The following WRAP53 variants were observed in gnomAD, a reference collection of about 807,000 sequenced individuals.
WRAP53 encodes the protein telomerase Cajal body protein 1.
Under a neutral mutation model 56.6 loss-of-function variants are expected in WRAP53, and 28 were observed. The ratio of observed to expected loss-of-function variants is 0.50; its 90% CI spans 0.37 to 0.68. The LOEUF (loss-of-function observed/expected upper bound fraction) is 0.68. Among genes scored for constraint, WRAP53 ranks in the 30% least tolerant of loss-of-function variants. The pLI is 0.00. For synonymous variants in WRAP53, 283 were observed against 283.4 expected, an observed-to-expected ratio of 1.00 and a Z score of 0.01; for missense variants, 671 against 715.5, an observed-to-expected ratio of 0.94 and a Z score of 0.71.
chr17:7,700,975 T>G, intron 5 of WRAP53, 146 bp downstream of exon 5: 2 of 638,288 alleles, frequency 3.1e-6, no homozygotes, highest in Non-Finnish European at 2.8e-6. Flanking sequence ...CTTCCTCCCC[T>G]TCCTTTTTTT....
At chr17:7,686,793 C>G (rs2073996044), upstream of WRAP53, 1 of 152,490 alleles carries the variant, frequency 6.6e-6, no homozygotes, top group Non-Finnish European at 1.5e-5. Context: ...ACTTCCACGA[C>G]TGACAGCCTT....
chr17:7,702,520 G>T lies in WRAP53; in HGVS notation c.1132G>T (p.Asp378Tyr), dbSNP rs552807362. Residue 378 changes from aspartate to tyrosine, a missense_variant, in exon 8 of 11, where the codon GAT becomes TAT. Asp to Tyr is a radical substitution (Grantham distance 160, BLOSUM62 -3). Coordinates refer to ENST00000396463, the MANE Select transcript of WRAP53 (RefSeq NM_001143992.2). The surrounding 1 kb of genome is among the most constrained non-coding windows in gnomAD (Gnocchi z 5.0). ...CATCACCCACCTCTGCTTTCATCCC[G>T]ATGGCAACCGCTTCTTCTCAGGAGC... ...GGITHLCFHP[D>Y]GNRFFSGARK... is the part of the protein sequence containing the mutation. 6.2e-7 allele frequency: 1 copy of T among 1,612,134 alleles called. No homozygotes were observed. The highest frequency in any genetic ancestry group is 1.3e-5 in the African/African-American group (1 of 74,902).
intron 4 of WRAP53, among the ~76,000 whole-genome samples, chr17:7,697,228 G>A (rs1443710163): frequency 6.6e-6 from 1 of 151,704 alleles, no homozygotes; most frequent in Non-Finnish European, 1.5e-5. Flanking sequence ...GGCTGAGGCA[G>A]GAGAATTGCT....
upstream of WRAP53, chr17:7,687,366 C>G (rs1322633323): frequency 2.5e-6 from 1 of 398,398 alleles, no homozygotes; most frequent in Non-Finnish European, 4.4e-6. Flanking sequence ...CAAGTTCAGT[C>G]AGGAGCTTAC....
chr17:7,692,397 A>C (rs917800293), intron 4 of WRAP53, among the ~76,000 whole-genome samples: 1 of 151,644 alleles, frequency 6.6e-6, no homozygotes, highest in Non-Finnish European at 1.5e-5. Context: ...AGGCAGGTGG[A>C]TCACCTGAGG....
At chr17:7,692,274 G>A (rs2074121373) in intron 4 of WRAP53, among the ~76,000 whole-genome samples, 1 of 152,002 alleles carries the variant, frequency 6.6e-6, no homozygotes, top group African/African-American at 2.4e-5. Flanking sequence ...GAGGTGAAGA[G>A]TTTTAGACCA....
chr17:7,703,441 G>GA lies in WRAP53; in HGVS notation c.1605dup (p.Gly536ArgfsTer11). On this transcript the variant is annotated frameshift_variant, in exon 11 of 11. Coordinates refer to ENST00000396463, the MANE Select transcript of WRAP53 (RefSeq NM_001143992.2). LOFTEE classifies it high-confidence loss of function. ...GCATCCCTGATGATCACCAGGGCGA[G>GA]AAAGGGCAGGGAGGAACGGAGGGAG... The GA allele has an allele frequency of 6.2e-7, 1 of 1,611,330 alleles. No homozygotes were observed. Among genetic ancestry groups the GA allele is most frequent in the Non-Finnish European group, 8.5e-7 (1 of 1,178,614 alleles).
At chr17:7,687,037 G>T (rs2074007001), upstream of WRAP53, 4 of 326,080 alleles carry the variant, frequency 1.2e-5, no homozygotes, top group Admixed American at 4.9e-5. Context: ...AATGCTTTGT[G>T]CATCTTTTAT....
At chr17:7,687,586 T>G, upstream of WRAP53, 1 of 398,756 alleles carries the variant, frequency 2.5e-6, no homozygotes, top group Non-Finnish European at 4.4e-6. Flanking sequence ...AGCTGGACAG[T>G]CGCCATGACA....
chr17:7,696,337 C>G (rs1431193466), intron 4 of WRAP53, among the ~76,000 whole-genome samples: 1 of 115,030 alleles, frequency 8.7e-6, no homozygotes, highest in Non-Finnish European at 1.6e-5. Flanking sequence ...CTTGCTCTGT[C>G]GCCCAGGCTG....
Position 7,703,228 on chromosome 17 carries a change from C to G in WRAP53, c.1404-15C>G. The stretch of plus-strand genomic sequence containing the variant: ...CACTGAAGGCACTGATAGACCCTCC[C>G]CATCTCTCCCTCAGCCTGCACCCTA... On this transcript the variant is annotated splice_polypyrimidine_tract_variant and intron_variant, in intron 10 of 10. Transcript: ENST00000396463. 6.2e-7 allele frequency: 1 copy of G among 1,613,274 alleles called. No homozygotes were observed. The highest frequency in any genetic ancestry group is 8.5e-7 in the Non-Finnish European group (1 of 1,180,020).
At chr17:7,694,522 C>T in intron 4 of WRAP53, among the ~76,000 whole-genome samples, 2 of 152,132 alleles carry the variant, frequency 1.3e-5, no homozygotes, top group East Asian at 3.9e-4. Context: ...GGATTACAGG[C>T]GTGAGCCACT....
In WRAP53 at chr17:7,701,912, A is replaced by G; in HGVS notation, c.955+123A>G. 6.7e-7 allele frequency: 1 copy of G among 1,490,516 alleles called. No individual in the cohort carries two copies. Among genetic ancestry groups the G allele is most frequent in the Non-Finnish European group, 9.1e-7 (1 of 1,103,364 alleles). The allele number at this position is 1,490,516 out of a possible 1,614,324, so 92.3% of individuals were successfully genotyped here. A position where few individuals can be genotyped will look rare whatever the true frequency, so the allele number is the denominator to read the frequency against. On this transcript the variant is annotated intron_variant, in intron 7 of 10. Transcript: ENST00000396463. The surrounding 1 kb of genome is among the most constrained non-coding windows in gnomAD (Gnocchi z 4.2). ...CCGTCCTCTGTACGGCCCCGGGAGC[A>G]GGTGCAGCCCAGTCGGCAGAGGAGC...
intron 4 of WRAP53, among the ~76,000 whole-genome samples, chr17:7,698,603 C>A (rs1328873915): frequency 2.0e-5 from 3 of 152,034 alleles, no homozygotes; most frequent in Non-Finnish European, 4.4e-5. Flanking sequence ...GCAGGCTGGG[C>A]GTGGTGTCTC....
At position 7,688,839 on chromosome 17, in the gene WRAP53, C is replaced by T; in HGVS notation, c.191C>T (p.Ser64Phe). Residue 64 changes from serine (S) to phenylalanine (F), a missense_variant, in exon 2 of 11, where the codon TCC becomes TTC. Transcript: ENST00000396463. ...SPDPVAGSAV[S>F]QELREGDPVS... ...GATCCTGTGGCTGGCTCAGCTGTGTCCCAGGAGCTACGGGAGGGGGACCCA... is the reference window on the plus strand; with the variant it reads ...GATCCTGTGGCTGGCTCAGCTGTGTTCCAGGAGCTACGGGAGGGGGACCCA... 6.2e-6 allele frequency: 10 copies of T among 1,614,172 alleles called. No homozygotes were observed. Among genetic ancestry groups the T allele is most frequent in the Non-Finnish European group, 6.8e-6 (8 of 1,180,024 alleles).
chr17:7,698,735 G>C (rs2074218444), intron 4 of WRAP53, among the ~76,000 whole-genome samples: 1 of 152,012 alleles, frequency 6.6e-6, no homozygotes, highest in Non-Finnish European at 1.5e-5. Context: ...AAATTAGCCG[G>C]GCGTGATAGC....
intron 4 of WRAP53, among the ~76,000 whole-genome samples, chr17:7,699,502 T>TTATATATATATATATATATATTTA (rs1172959796): frequency 1.7e-4 from 2 of 11,758 alleles, no homozygotes; most frequent in African/African-American, 4.8e-4. Context: ...ATATATATAT[T>TTATATATATATATATATATATTTA]TATATATATA....
At chr17:7,700,950 G>A in intron 5 of WRAP53, 121 bp downstream of exon 5, 1 of 764,264 alleles carries the variant, frequency 1.3e-6, no homozygotes, top group South Asian at 1.4e-5. Context: ...CTTATCAGAG[G>A]GGCTGGTCAG....
At position 7,688,802 on chromosome 17, in the gene WRAP53, C is replaced by T. The variant is rs376125064; in HGVS notation, c.154C>T (p.Arg52Trp). 3.7e-6 allele frequency: 6 copies of T among 1,614,062 alleles called. No homozygotes were observed. The highest frequency in any genetic ancestry group is 1.7e-5 in the Admixed American group (1 of 59,992). The change falls in exon 2 of 11, where the codon CGG becomes TGG. Residue 52 changes from arginine to tryptophan, a missense_variant. Arg to Trp is a moderately radical substitution (Grantham distance 101, BLOSUM62 -3). Around this residue, in one of 3 missense-constraint regions of WRAP53, gnomAD observed 406 missense variants for 418.5 expected, o/e 0.97. Transcript: ENST00000396463. ...PPPPERGDPP[R>W]LSPDPVAGSA... ...GCCTCCCGAAAGGGGGGATCCGCCC[C>T]GGTTGTCCCCAGATCCTGTGGCTGG...
Sources: allele counts gnomAD v4.1 joint callset (sites outside exome capture counted in the v4.1 genomes callset), GRCh38; gene constraint gnomAD v4.1.1; regional missense constraint gnomAD v4.1.1; non-coding constraint Gnocchi (gnomAD v3.1); transcripts MANE v1.5; gene names NCBI Gene and HGNC (gene_info 2026-07-23, HGNC 2026-07-21).